HNF4A: variants seen among roughly 807,000 people sequenced by gnomAD.
The protein encoded by HNF4A is hepatocyte nuclear factor 4 alpha.
A neutral mutation model predicts 52.4 loss-of-function variants in HNF4A; 15 were observed. The ratio of observed to expected loss-of-function variants is 0.29; its 90% CI spans 0.19 to 0.44. The LOEUF is 0.44. HNF4A is among the 20% of genes least tolerant of loss of function. The pLI is 1.00. For missense variants in HNF4A, 479 were observed against 647.2 expected, an observed-to-expected ratio of 0.74 and a Z score of 2.82; for synonymous variants, 280 against 264.4, an observed-to-expected ratio of 1.06 and a Z score of -0.57.
At chr20:44,387,025 A>G (rs111477402) in intron 1 of HNF4A, among the ~76,000 whole-genome samples, 12,327 of 152,094 alleles carry the variant, frequency 0.081, 1,265 homozygotes, top group African/African-American at 0.24. Flanking sequence ...ATTCCAGGCC[A>G]GGTGTGGTGG....
intron 1 of HNF4A, among the ~76,000 whole-genome samples, chr20:44,360,201 A>G (rs56867530): frequency 0.16 from 24,534 of 152,108 alleles, 2,362 homozygotes; most frequent in Middle Eastern, 0.26. Context: ...ATGGATGAAT[A>G]AATGTATGTT....
intron 1 of HNF4A, among the ~76,000 whole-genome samples, chr20:44,388,270 G>T (rs1208302624): frequency 1.3e-5 from 2 of 149,808 alleles, no homozygotes; most frequent in Non-Finnish European, 3.0e-5. Flanking sequence ...TTTTCATAAT[G>T]GGTATGACAT....
At chr20:44,393,943 T>C (rs1355440551) in intron 1 of HNF4A, among the ~76,000 whole-genome samples, 1 of 152,056 alleles carries the variant, frequency 6.6e-6, no homozygotes, top group East Asian at 1.9e-4. Flanking sequence ...TCTCAAACTC[T>C]TGGGCTCAAG....
intron 1 of HNF4A, among the ~76,000 whole-genome samples, chr20:44,360,798 A>C (rs931563152): frequency 6.6e-6 from 1 of 152,176 alleles, no homozygotes; most frequent in African/African-American, 2.4e-5. Flanking sequence ...CCATTGTCGG[A>C]GACAGTTTGG....
intron 1 of HNF4A, among the ~76,000 whole-genome samples, chr20:44,373,788 C>T (rs2063057949): frequency 6.6e-6 from 1 of 151,976 alleles, no homozygotes; most frequent in South Asian, 2.1e-4. Context: ...CTCCTGGGTT[C>T]AAGCAATTCT....
chr20:44,413,791 G>A lies in HNF4A; in HGVS notation c.483G>A (p.Leu161=), dbSNP rs1290419353. ...ATGCGCTCCTGCAGGCGGAGGTCCT[G>A]TCCCGACAGGTACCGGGGTGATCCT... Residue 161 remains leucine (L), a synonymous_variant, in exon 4 of 10, where the codon CTG becomes CTA. Coordinates refer to ENST00000316099, the MANE Select transcript of HNF4A (RefSeq NM_000457.6). 13 of 1,610,542 alleles carry A rather than the reference G, an allele frequency of 8.1e-6. No individual in the cohort carries two copies. Among genetic ancestry groups the A allele is most frequent in the Non-Finnish European group, 1.1e-5 (13 of 1,177,518 alleles).
At chr20:44,368,774 G>A (rs1032316757) in intron 1 of HNF4A, among the ~76,000 whole-genome samples, 4 of 152,220 alleles carry the variant, frequency 2.6e-5, no homozygotes, top group Admixed American at 6.5e-5. Context: ...GACAAAGTCA[G>A]CTGTGAGTAA....
chr20:44,423,641 T>C (rs2063777599), intron 7 of HNF4A, among the ~76,000 whole-genome samples: 3 of 152,216 alleles, frequency 2.0e-5, no homozygotes, highest in South Asian at 2.1e-4. Flanking sequence ...CAAGTTCCCA[T>C]TGTGGCTCTG....
At chr20:44,407,614 AG>A in intron 3 of HNF4A, 139 bp downstream of exon 3, 1 of 721,396 alleles carries the variant, frequency 1.4e-6, no homozygotes, top group Non-Finnish European at 2.5e-6. Flanking sequence ...GAGAAGAGGG[AG>A]GGCCTGGAAA....
intron 1 of HNF4A, chr20:44,384,786 T>C (rs1431582918): frequency 6.6e-6 from 1 of 152,032 alleles, no homozygotes; most frequent in Admixed American, 6.6e-5. Context: ...TCAGAGAGAC[T>C]ATAAGTAAGG....
rs533132109 is a variant in HNF4A at position 44,413,797 on chromosome 20, A to C, written c.489A>C (p.Arg163=). ...TCCTGCAGGCGGAGGTCCTGTCCCG[A>C]CAGGTACCGGGGTGATCCTGCCACC... is the stretch of plus-strand genomic sequence containing the variant. Residue 163 remains arginine (R), a synonymous_variant, in exon 4 of 10, where the codon CGA becomes CGC. Transcript: ENST00000316099. 15 of 1,608,856 alleles carry C rather than the reference A, an allele frequency of 9.3e-6. No individual in the cohort carries two copies. In the East Asian group the frequency reaches 2.9e-4, roughly 31 times the overall value.
intron 1 of HNF4A, among the ~76,000 whole-genome samples, chr20:44,386,356 G>A (rs1028622674): frequency 2.7e-5 from 4 of 150,238 alleles, no homozygotes; most frequent in African/African-American, 4.9e-5. Flanking sequence ...TAGTAGAGAC[G>A]AGGTCTCACC....
rs563108685 is a variant in HNF4A at position 44,415,671 on chromosome 20, C to T, written c.648+1009C>T. Among the ~76,000 whole-genome samples, 9 of 152,358 alleles carry T rather than the reference C, an allele frequency of 5.9e-5. No homozygotes were observed. In the East Asian group the frequency reaches 1.5e-3, roughly 26 times the overall value. On this transcript the variant is annotated intron_variant, in intron 5 of 9. Transcript: ENST00000316099. ...GTCTGTGAAAGCTTCTGAGAAGTCT[C>T]GTCCAGGCAGTTGTTTGACTTTGCA... is the stretch of plus-strand genomic sequence containing the variant.
chr20:44,381,424 G>A (rs575082774), intron 1 of HNF4A, among the ~76,000 whole-genome samples: 2 of 151,834 alleles, frequency 1.3e-5, no homozygotes, highest in African/African-American at 4.8e-5. Context: ...GGGACTACAG[G>A]CACATGACAC....
In HNF4A at chr20:44,405,990, G is replaced by C. The variant is rs370972435; in HGVS notation, c.116-68G>C. On this transcript the variant is annotated intron_variant, in intron 1 of 9. Coordinates refer to ENST00000316099, the MANE Select transcript of HNF4A (RefSeq NM_000457.6). ...AGGCCGAAGCCCTGGAGAGATCCCC[G>C]CAAGGCTCCCTTAGATGCCTGACAT... The C allele has an allele frequency of 5.3e-5, 79 of 1,485,910 alleles. No individual in the cohort carries two copies. In the East Asian group the frequency reaches 1.3e-3, roughly 24 times the overall value. 92.0% of individuals were successfully genotyped at this position (1,485,910 alleles called of 1,614,324 possible).
At chr20:44,411,590 C>G (rs1290926647) in intron 3 of HNF4A, among the ~76,000 whole-genome samples, 1 of 152,178 alleles carries the variant, frequency 6.6e-6, no homozygotes, top group East Asian at 1.9e-4. Context: ...GCCCCGTCCA[C>G]ATGGTGGTCT....
Position 44,413,674 on chromosome 20 carries a change from C to A in HNF4A, c.386-20C>A. 2 of 1,597,706 alleles carry A rather than the reference C, an allele frequency of 1.3e-6. No homozygotes were observed. Among genetic ancestry groups the A allele is most frequent in the Non-Finnish European group, 1.7e-6 (2 of 1,166,168 alleles). On this transcript the variant is annotated intron_variant, in intron 3 of 9. Coordinates refer to ENST00000316099, the MANE Select transcript of HNF4A (RefSeq NM_000457.6). ...CTCCATCCCTGTTCTCCCTCCTCAC[C>A]TCTCTGTGCCTCCTCACAGCCGTCC...
At chr20:44,403,716 T>C (rs902455814) in intron 1 of HNF4A, among the ~76,000 whole-genome samples, 1 of 152,176 alleles carries the variant, frequency 6.6e-6, no homozygotes, top group Non-Finnish European at 1.5e-5. Flanking sequence ...CCAGCAAGCC[T>C]GGACCATAAA....
intron 6 of HNF4A, among the ~76,000 whole-genome samples, chr20:44,418,866 G>A (rs1043419970): frequency 1.1e-4 from 16 of 152,008 alleles, no homozygotes; most frequent in African/African-American, 3.6e-4. Flanking sequence ...GCCTCCACCC[G>A]CCACGTTCAA....
Sources: gnomAD v4.1 joint callset for allele counts (sites outside exome capture counted in the v4.1 genomes callset) on GRCh38, gnomAD v4.1.1 for gene constraint, MANE v1.5 for transcripts, NCBI Gene and HGNC (gene_info 2026-07-23, HGNC 2026-07-21) for gene names.